DYM: variants seen among roughly 807,000 people sequenced by gnomAD.
DYM encodes the protein dymeclin, also known as dyggve-Melchior-Clausen syndrome protein.
Under a neutral mutation model 93.1 loss-of-function variants are expected in DYM, and 78 were observed. The observed-to-expected ratio is 0.84, with a 90% confidence interval of 0.70 to 1.01. The LOEUF (loss-of-function observed/expected upper bound fraction) is 1.01, where lower values mean the gene tolerates loss of function less well. DYM is among the 50% of genes least tolerant of loss of function. The probability of loss-of-function intolerance (pLI) is 0.00; values close to 1 mark genes in which losing one functional copy is unlikely to be tolerated. For synonymous variants in DYM, 321 were observed against 319.7 expected (o/e 1.00, Z -0.04); for missense variants, 789 against 845.0 (o/e 0.93, Z 0.82).
At chr18:49,150,074 T>C (rs887935916) in intron 15 of DYM, among the ~76,000 whole-genome samples, 6 of 152,218 alleles carry the variant, frequency 3.9e-5, no homozygotes, top group Non-Finnish European at 8.8e-5. Context: ...ACCTGGAGAA[T>C]GTTTATAACT....
At chr18:49,447,938 A>G (rs2082233293) in intron 1 of DYM, among the ~76,000 whole-genome samples, 1 of 152,142 alleles carries the variant, frequency 6.6e-6, no homozygotes, top group Non-Finnish European at 1.5e-5. Context: ...CTTGGTCTGG[A>G]GAGCACATGG....
intron 17 of DYM, among the ~76,000 whole-genome samples, chr18:49,075,400 T>A (rs1396655700): frequency 1.3e-5 from 2 of 152,172 alleles, no homozygotes; most frequent in Non-Finnish European, 2.9e-5. Context: ...CCTACTCCCA[T>A]CCCATTACTC....
intron 1 of DYM, among the ~76,000 whole-genome samples, chr18:49,452,744 C>T (rs1371942106): frequency 2.1e-5 from 2 of 95,574 alleles, no homozygotes; most frequent in South Asian, 3.4e-4. Flanking sequence ...GGAGTGCAGG[C>T]GCACAGCGCG....
chr18:49,438,095 G>A (rs2081017590), intron 1 of DYM, among the ~76,000 whole-genome samples: 1 of 152,182 alleles, frequency 6.6e-6, no homozygotes, highest in South Asian at 2.1e-4. Flanking sequence ...GATCGCTTGA[G>A]CCCAGGAGTT....
At chr18:49,354,317 T>A (rs1319845306) in intron 6 of DYM, among the ~76,000 whole-genome samples, 1 of 152,118 alleles carries the variant, frequency 6.6e-6, no homozygotes, top group Non-Finnish European at 1.5e-5. Context: ...TGATGACTTT[T>A]TGGATACAAC....
At chr18:49,203,795 T>G (rs2145962719) in intron 14 of DYM, among the ~76,000 whole-genome samples, 1 of 134,982 alleles carries the variant, frequency 7.4e-6, no homozygotes, top group East Asian at 2.1e-4. Flanking sequence ...CCTCCACTAT[T>G]GTCCCATGAC....
At chr18:49,112,158 A>T (rs1433438563) in intron 16 of DYM, among the ~76,000 whole-genome samples, 1 of 38,044 alleles carries the variant, frequency 2.6e-5, no homozygotes, top group East Asian at 7.2e-4. Context: ...CACCCCTGCC[A>T]GCAATCTAAG....
At chr18:49,052,266 T>C (rs1337970249) in intron 17 of DYM, among the ~76,000 whole-genome samples, 1 of 152,234 alleles carries the variant, frequency 6.6e-6, no homozygotes, top group Non-Finnish European at 1.5e-5. Context: ...AGGCCCGAGC[T>C]GAATTTAATT....
At chr18:49,288,876 C>T (rs1481935621) in intron 8 of DYM, among the ~76,000 whole-genome samples, 1 of 152,002 alleles carries the variant, frequency 6.6e-6, no homozygotes, top group Non-Finnish European at 1.5e-5. Flanking sequence ...ACCAACAAGA[C>T]TTTATGTGAT....
At chr18:49,268,784 T>A (rs1309170837) in intron 11 of DYM, among the ~76,000 whole-genome samples, 2 of 152,002 alleles carry the variant, frequency 1.3e-5, no homozygotes, top group African/African-American at 4.8e-5. Flanking sequence ...TAAGATGTTT[T>A]TAAAAATCAT....
At chr18:49,333,914 T>C in intron 6 of DYM, 61 bp from the exon 7 acceptor site, 1 of 1,506,016 alleles carries the variant, frequency 6.6e-7, no homozygotes, top group Non-Finnish European at 9.1e-7. Flanking sequence ...TATTCTTTTC[T>C]AAATGAACTA....
chr18:49,286,376 A>G (rs549893347), intron 9 of DYM, 58 bp downstream of exon 9: 2 of 1,574,566 alleles, frequency 1.3e-6, no homozygotes, highest in Admixed American at 3.3e-5. Flanking sequence ...AATAAACAAT[A>G]TAGAACAAGC....
intron 15 of DYM, among the ~76,000 whole-genome samples, chr18:49,160,613 CT>C (rs1478748740): frequency 2.0e-5 from 3 of 150,168 alleles, no homozygotes; most frequent in African/African-American, 7.3e-5. Context: ...TAGGAATCCA[CT>C]GCTGCATTAA....
In DYM at chr18:49,328,573, A is replaced by T. The variant is rs183770398; in HGVS notation, c.763+3291T>A. 3.3e-5 allele frequency among the ~76,000 whole-genome samples: 5 copies of T among 152,332 alleles called. No individual in the cohort carries two copies. The East Asian group carries it at 9.6e-4, about 29-fold the overall frequency. ...AATATCCACAATCTACAAAGAACTT[A>T]AACAAATTTACAAGAAAAAAAATCA... On this transcript the variant is annotated intron_variant, in intron 8 of 17. Transcript: ENST00000675505.
chr18:49,201,996 T>C (rs998231272), intron 14 of DYM, among the ~76,000 whole-genome samples: 6 of 152,208 alleles, frequency 3.9e-5, no homozygotes, highest in Admixed American at 3.3e-4. Flanking sequence ...GGACAGGAAC[T>C]CTCTATTGTA....
intron 14 of DYM, among the ~76,000 whole-genome samples, chr18:49,186,982 C>A (rs906100223): frequency 2.1e-5 from 3 of 141,900 alleles, no homozygotes; most frequent in South Asian, 4.4e-4. Flanking sequence ...TGCAGTGGTG[C>A]GATCTCGGCT....
intron 6 of DYM, among the ~76,000 whole-genome samples, chr18:49,361,015 G>A (rs1049981797): frequency 6.6e-6 from 1 of 152,226 alleles, no homozygotes; most frequent in African/African-American, 2.4e-5. Flanking sequence ...GCAAGTTCAT[G>A]ACTTCTGCTC....
At chr18:49,268,370 C>A (rs2094606879) in intron 11 of DYM, among the ~76,000 whole-genome samples, 1 of 152,158 alleles carries the variant, frequency 6.6e-6, no homozygotes, top group African/African-American at 2.4e-5. Context: ...TTTGAAATGT[C>A]ATCTAAAATA....
chr18:49,253,466 G>C (rs908217289), intron 13 of DYM, among the ~76,000 whole-genome samples: 1 of 152,124 alleles, frequency 6.6e-6, no homozygotes, highest in African/African-American at 2.4e-5. Context: ...ATTTTCTCAG[G>C]AAATACATAA....
Sources: allele counts gnomAD v4.1 joint callset (sites outside exome capture counted in the v4.1 genomes callset), GRCh38; gene constraint gnomAD v4.1.1; transcripts MANE v1.5; gene names NCBI Gene and HGNC (gene_info 2026-07-23, HGNC 2026-07-21).